The following TPRG1 variants were observed in gnomAD, a reference collection of about 807,000 sequenced individuals.
TPRG1 encodes the protein tumor protein p63-regulated gene 1 protein.
In TPRG1, 29 loss-of-function variants were observed where a neutral mutation model predicts 29.3. The ratio of observed to expected loss-of-function variants is 0.99; its 90% confidence interval spans 0.74 to 1.35. The LOEUF is 1.35. Ranked by LOEUF, TPRG1 falls within the 40% of genes most tolerant of loss-of-function variation. The pLI, the probability that TPRG1 is intolerant of heterozygous loss-of-function variation, is 0.00. For missense variants in TPRG1, 327 were observed against 335.0 expected (o/e 0.98, Z 0.19); for synonymous variants, 130 against 116.8 (o/e 1.11, Z -0.73).
chr3:189,272,071 C>T (rs796974457), intron 4 of TPRG1, among the ~76,000 whole-genome samples: 1 of 152,146 alleles, frequency 6.6e-6, no homozygotes, highest in Admixed American at 6.5e-5. Context: ...GTTTACAGCA[C>T]AGATGTCCCA....
intron 3 of TPRG1, among the ~76,000 whole-genome samples, chr3:189,016,735 C>G (rs553973336): frequency 1.3e-5 from 2 of 152,170 alleles, no homozygotes; most frequent in South Asian, 4.2e-4. Flanking sequence ...TGTGGCACTT[C>G]CCCCTTCATG....
intron 4 of TPRG1, among the ~76,000 whole-genome samples, chr3:189,279,078 G>T: frequency 6.6e-6 from 1 of 152,212 alleles, no homozygotes; most frequent in East Asian, 1.9e-4. Flanking sequence ...GAACTATACA[G>T]TATCTGCTTC....
intron 4 of TPRG1, among the ~76,000 whole-genome samples, chr3:189,290,568 G>A (rs996333075): frequency 6.6e-6 from 1 of 152,216 alleles, no homozygotes; most frequent in Non-Finnish European, 1.5e-5. Context: ...CAATTAAGTG[G>A]CAGCTTTTAT....
At chr3:189,144,253 A>T (rs1481870138) in intron 3 of TPRG1, among the ~76,000 whole-genome samples, 3 of 152,214 alleles carry the variant, frequency 2.0e-5, no homozygotes, top group Non-Finnish European at 4.4e-5. Flanking sequence ...TGGTTGTGGC[A>T]AGAAAGCTTT....
chr3:189,169,551 GC>G (rs1728565672), upstream of TPRG1, among the ~76,000 whole-genome samples: 1 of 152,210 alleles, frequency 6.6e-6, no homozygotes, highest in Non-Finnish European at 1.5e-5. Context: ...ATTATTCTGT[GC>G]TTCCCTGCTC....
rs150880247 is a variant in TPRG1, at chr3:189,085,450, T to TGTGTGTGTGTGCGTGC, written c.-462-41596_-462-41595insCGTGCGTGTGTGTGTG. Reference sequence around the variant, plus strand: ...CCTCGTGTCTGTGTGTGTGTGCATGTGTGTGTGTGTGTGTGTGTGTGTGTA... The same window carrying TGTGTGTGTGTGCGTGC: ...CCTCGTGTCTGTGTGTGTGTGCATGTGTGTGTGTGTGCGTGCGTGTGTGTGTGTGTGTGTGTGTGTA... On this transcript the variant is annotated intron_variant, in intron 4 of 10. Transcript: ENST00000433971. Among the ~76,000 whole-genome samples the TGTGTGTGTGTGCGTGC allele has an allele frequency of 6.6e-3, 875 of 133,034 alleles. 5 individuals carry two copies. The highest frequency in any genetic ancestry group is 0.02 in the African/African-American group (785 of 39,816). 87.3% of individuals were successfully genotyped at this position (133,034 alleles called of 152,430 possible).
intron 4 of TPRG1, among the ~76,000 whole-genome samples, chr3:189,239,284 T>A (rs1357954805): frequency 6.6e-6 from 1 of 152,068 alleles, no homozygotes; most frequent in Non-Finnish European, 1.5e-5. Flanking sequence ...AAACCCCTGT[T>A]AAACTCATCA....
At chr3:189,024,193 G>A (rs932371277) in intron 4 of TPRG1, among the ~76,000 whole-genome samples, 2 of 152,238 alleles carry the variant, frequency 1.3e-5, no homozygotes, top group Non-Finnish European at 2.9e-5. Context: ...AACATGGGGA[G>A]AGATGGCTGG....
chr3:189,287,892 C>A (rs979766949), intron 4 of TPRG1, among the ~76,000 whole-genome samples: 1 of 151,606 alleles, frequency 6.6e-6, no homozygotes, highest in Non-Finnish European at 1.5e-5. Flanking sequence ...TGGGAATTTG[C>A]GAAAAGATTG....
upstream of TPRG1, among the ~76,000 whole-genome samples, chr3:189,099,107 C>T (rs1718894476): frequency 6.6e-6 from 1 of 152,182 alleles, no homozygotes; most frequent in African/African-American, 2.4e-5. Context: ...CAGTGGAAAA[C>T]CAGTGTTGCT....
At chr3:189,219,868 C>A (rs1736683899) in intron 3 of TPRG1, 2 of 670,114 alleles carry the variant, frequency 3.0e-6, no homozygotes, top group Non-Finnish European at 3.7e-6. Context: ...AAATATGTTT[C>A]ATTATTCCCC....
intron 3 of TPRG1, among the ~76,000 whole-genome samples, chr3:189,022,711 G>T (rs1713403022): frequency 6.6e-6 from 1 of 152,238 alleles, no homozygotes; most frequent in Non-Finnish European, 1.5e-5. Context: ...CAGAGGTGGA[G>T]CCTAAAGAGG....
Position 189,186,985 on chromosome 3 carries a change from G to GTTTTT in TPRG1, c.-10+14871_-10+14875dup, listed in dbSNP as rs397875585. Reference sequence around the variant, plus strand: ...TTAGATTCATTTGTTCATCTAAAGTGTTTTTTTTTTTTTTTTTTTTTGAGA... The same window carrying GTTTTT: ...TTAGATTCATTTGTTCATCTAAAGTGTTTTTTTTTTTTTTTTTTTTTTTTTTGAGA... On this transcript the variant is annotated intron_variant, in intron 1 of 5. Coordinates refer to ENST00000345063, the MANE Select transcript of TPRG1 (RefSeq NM_198485.4). Among the ~76,000 whole-genome samples, 229 of 88,932 alleles carry GTTTTT rather than the reference G, an allele frequency of 2.6e-3. 11 individuals carry two copies. The highest frequency in any genetic ancestry group is 6.1e-3 in the African/African-American group (139 of 22,820). 58.3% of individuals were successfully genotyped at this position (88,932 alleles called of 152,430 possible).
intron 1 of TPRG1, among the ~76,000 whole-genome samples, chr3:189,183,369 C>T (rs968515602): frequency 6.6e-6 from 1 of 152,148 alleles, no homozygotes; most frequent in Non-Finnish European, 1.5e-5. Flanking sequence ...CACAGCACCA[C>T]AGGACCGGGG....
chr3:189,004,897 T>C (rs1712207842), intron 3 of TPRG1: 1 of 152,140 alleles, frequency 6.6e-6, no homozygotes, highest in Non-Finnish European at 1.5e-5. Flanking sequence ...AGTAGGTATA[T>C]TATTTATGGG....
At chr3:189,278,239 G>T (rs1028743245) in intron 4 of TPRG1, among the ~76,000 whole-genome samples, 2 of 152,152 alleles carry the variant, frequency 1.3e-5, no homozygotes, top group African/African-American at 4.8e-5. Flanking sequence ...GCAGTGAAGG[G>T]CCTGGGTAAC....
Position 189,103,156 on chromosome 3 carries a change from CAA to C in TPRG1, c.-744+2954_-744+2955del, listed in dbSNP as rs549520872. Among the ~76,000 whole-genome samples the C allele has an allele frequency of 2.2e-3, 334 of 152,258 alleles. 3 individuals are homozygous for C. Among genetic ancestry groups the C allele is most frequent in the African/African-American group, 7.8e-3 (325 of 41,554 alleles). On this transcript the variant is annotated intron_variant, in intron 1 of 6. Transcript: ENST00000412373. ...GGGTGGCAAACAGCAGCCCAGTGAC[CAA>C]AGTCATCCTGCCACTTGTTTTTGTA...
At chr3:189,169,552 C>G (rs1006478119), upstream of TPRG1, among the ~76,000 whole-genome samples, 6 of 152,234 alleles carry the variant, frequency 3.9e-5, no homozygotes, top group African/African-American at 1.4e-4. Context: ...TTATTCTGTG[C>G]TTCCCTGCTC....
At chr3:189,140,205 A>C (rs1578501130) in intron 3 of TPRG1, among the ~76,000 whole-genome samples, 1 of 152,210 alleles carries the variant, frequency 6.6e-6, no homozygotes, top group Non-Finnish European at 1.5e-5. Flanking sequence ...TTGGTATCTC[A>C]ATATTTAAGG....
Sources: allele counts gnomAD v4.1 joint callset (sites outside exome capture counted in the v4.1 genomes callset), GRCh38; gene constraint gnomAD v4.1.1; transcripts MANE v1.5; gene names NCBI Gene and HGNC (gene_info 2026-07-23, HGNC 2026-07-21).